ARHGDIB: variants seen among roughly 807,000 people sequenced by gnomAD.
ARHGDIB encodes rho GDP-dissociation inhibitor 2.
In ARHGDIB, 20 loss-of-function variants were observed where a neutral mutation model predicts 22.6. The observed-to-expected ratio is 0.88, with a 90% CI of 0.62 to 1.28. The LOEUF (loss-of-function observed/expected upper bound fraction) is 1.28. ARHGDIB is among the 50% of genes most tolerant of loss of function. The pLI, the probability that ARHGDIB is intolerant of heterozygous loss-of-function variation, is 0.00. For missense variants in ARHGDIB, 254 were observed against 245.4 expected, an observed-to-expected ratio of 1.04 and a Z score of -0.23; for synonymous variants, 114 against 96.1, an observed-to-expected ratio of 1.19 and a Z score of -1.09.
intron 1 of ARHGDIB, among the ~76,000 whole-genome samples, chr12:14,952,937 G>A (rs183185551): frequency 6.6e-6 from 1 of 152,298 alleles, no homozygotes; most frequent in East Asian, 1.9e-4. Flanking sequence ...TTGCAACTAT[G>A]CAGGCTCAAA....
chr12:14,948,077 C>CA (rs1257161973), intron 3 of ARHGDIB, 128 bp from the exon 4 acceptor site: 2 of 637,880 alleles, frequency 3.1e-6, no homozygotes, highest in East Asian at 5.8e-5. Flanking sequence ...CCTCAATTCA[C>CA]AGAGTATTTG....
intron 1 of ARHGDIB, among the ~76,000 whole-genome samples, chr12:14,957,869 AG>A (rs1864333943): frequency 6.6e-6 from 1 of 151,452 alleles, no homozygotes; most frequent in Admixed American, 6.6e-5. Flanking sequence ...GAAAGAGGAG[AG>A]AGAGAGGAGG....
intron 4 of ARHGDIB, among the ~76,000 whole-genome samples, chr12:14,945,598 T>A (rs10492148): frequency 0.037 from 5,698 of 152,326 alleles, 288 homozygotes; most frequent in African/African-American, 0.1. Context: ...CAAATTAAAG[T>A]GGACATTGCA....
chr12:14,960,881 T>C (rs1201494629), intron 1 of ARHGDIB, among the ~76,000 whole-genome samples: 3 of 152,202 alleles, frequency 2.0e-5, no homozygotes, highest in Non-Finnish European at 4.4e-5. Context: ...TTGTCAGTGG[T>C]AGAAATTCTA....
chr12:14,948,386 T>C (rs1302175459), intron 3 of ARHGDIB, among the ~76,000 whole-genome samples: 1 of 152,218 alleles, frequency 6.6e-6, no homozygotes, highest in Non-Finnish European at 1.5e-5. Flanking sequence ...GTGTCAGCTA[T>C]TTGTTTTTAT....
intron 1 of ARHGDIB, among the ~76,000 whole-genome samples, chr12:14,953,988 T>C (rs1229217845): frequency 9.9e-5 from 15 of 151,478 alleles, no homozygotes. Flanking sequence ...CTTCTTTCCT[T>C]CTTTTTTTGA....
rs561823367 is a variant in ARHGDIB, at chr12:14,957,670, A to G, written c.-13+3867T>C. ...ATGAGAAATGTCAGTGAACACAGGC[A>G]CAGCTAATGAAGAGAATTCCCTCTG... On this transcript the variant is annotated intron_variant, in intron 1 of 5. Transcript: ENST00000228945. 1.7e-3 allele frequency among the ~76,000 whole-genome samples: 262 copies of G among 152,310 alleles called. 1 individual carries two copies. Among genetic ancestry groups the G allele is most frequent in the African/African-American group, 6.2e-3 (256 of 41,566 alleles).
rs1864148784 is a variant in ARHGDIB, at chr12:14,950,644, A to G, written c.69T>C (p.Asn23=). The G allele has an allele frequency of 1.2e-6, 2 of 1,613,934 alleles. No homozygotes were observed. The highest frequency in any genetic ancestry group is 2.2e-5 in the East Asian group (1 of 44,894). The part of the protein sequence containing the change: ...DDDDELDSKL[N]YKPPPQKSLK... ...GGGACTTCTGTGGTGGAGGCTTATA[A>G]TTGAGCTTGCTGTCCAGCTCATCAT... is the stretch of plus-strand genomic sequence containing the variant. The change falls in exon 2 of 6, where the codon AAT becomes AAC. Residue 23 remains asparagine, a synonymous_variant. Transcript: ENST00000228945.
chr12:14,944,871 T>G (rs1244717262), intron 4 of ARHGDIB, 32 bp from the exon 5 acceptor site: 1 of 1,597,240 alleles, frequency 6.3e-7, no homozygotes, highest in Non-Finnish European at 8.6e-7. Flanking sequence ...GATGTTCAGA[T>G]TAAGAGGGTC....
intron 4 of ARHGDIB, among the ~76,000 whole-genome samples, chr12:14,945,642 A>G (rs529363009): frequency 2.9e-4 from 44 of 152,270 alleles, no homozygotes; most frequent in Non-Finnish European, 5.4e-4. Flanking sequence ...TCTGTTCACC[A>G]ATGTGAAGAA....
intron 1 of ARHGDIB, among the ~76,000 whole-genome samples, chr12:14,955,536 T>C (rs2120750290): frequency 6.6e-6 from 1 of 152,324 alleles, no homozygotes. Flanking sequence ...AATTAACATA[T>C]CCATCATCTC....
At chr12:14,952,277 CAAAAA>C (rs3084566) in intron 1 of ARHGDIB, among the ~76,000 whole-genome samples, 1 of 127,346 alleles carries the variant, frequency 7.9e-6, no homozygotes, top group Non-Finnish European at 1.6e-5. Flanking sequence ...TTAATGGAAC[CAAAAA>C]AAAAAAAAAA....
intron 1 of ARHGDIB, among the ~76,000 whole-genome samples, chr12:14,951,747 A>C (rs1864181535): frequency 8.6e-6 from 1 of 115,920 alleles, no homozygotes; most frequent in South Asian, 2.8e-4. Context: ...TTAAGGGTTA[A>C]TGACTGAATA....
chr12:14,960,947 G>C lies in ARHGDIB; in HGVS notation c.-13+590C>G, dbSNP rs1047557997. On this transcript the variant is annotated intron_variant, in intron 1 of 5. Coordinates refer to ENST00000228945, the MANE Select transcript of ARHGDIB (RefSeq NM_001175.7). Reference sequence around the variant, plus strand: ...GTGCTATACCATACTTCCTCTTTGAGGGATAAAGCCCCTGCACTCTAAGGG... The same window carrying C: ...GTGCTATACCATACTTCCTCTTTGACGGATAAAGCCCCTGCACTCTAAGGG... 5.3e-5 allele frequency among the ~76,000 whole-genome samples: 8 copies of C among 152,136 alleles called. No individual in the cohort carries two copies. In the East Asian group the frequency reaches 1.5e-3, roughly 29 times the overall value.
Position 14,942,656 on chromosome 12 carries a change from G to A in ARHGDIB, c.472C>T (p.Pro158Ser). 2 of 1,614,148 alleles carry A rather than the reference G, an allele frequency of 1.2e-6. No homozygotes were observed. The highest frequency in any genetic ancestry group is 1.7e-6 in the Non-Finnish European group (2 of 1,180,018). Residue 158 changes from proline to serine, a missense_variant, in exon 6 of 6, where the codon CCA becomes TCA. Pro to Ser is a moderately conservative substitution (Grantham distance 74). Transcript: ENST00000228945. ...ATGCCCTTGGGAGCCTCCTCAACTGGAGTGAGGAACTCATACTCCTCAGGC... is the reference window on the plus strand; with the variant it reads ...ATGCCCTTGGGAGCCTCCTCAACTGAAGTGAGGAACTCATACTCCTCAGGC... ...PRPEEYEFLT[P>S]VEEAPKGMLA...
At chr12:14,948,918 T>G (rs1298888559) in intron 3 of ARHGDIB, 3 of 152,522 alleles carry the variant, frequency 2.0e-5, no homozygotes, top group African/African-American at 7.2e-5. Flanking sequence ...TGATTTCAGT[T>G]GAACAGGAAG....
rs1303378059 is a variant in ARHGDIB, at chr12:14,942,492, T to C, written c.*30A>G. On this transcript the variant is annotated 3_prime_UTR_variant, in exon 6 of 6. Transcript: ENST00000228945. ...ACACGCCTGAGAGAATTCTTCCAGG[T>C]GGCAAGGGTGGGGAAAGGGGTGGAT... The C allele has an allele frequency of 1.2e-6, 2 of 1,612,494 alleles. No homozygotes were observed.
At chr12:14,945,086 G>A (rs2120679973) in intron 4 of ARHGDIB, among the ~76,000 whole-genome samples, 1 of 152,288 alleles carries the variant, frequency 6.6e-6, no homozygotes, top group South Asian at 2.1e-4. Context: ...CGTTTTGGGA[G>A]AGAGGAGTGG....
intron 5 of ARHGDIB, among the ~76,000 whole-genome samples, chr12:14,944,213 T>C (rs1276737580): frequency 6.6e-6 from 1 of 150,700 alleles, no homozygotes; most frequent in African/African-American, 2.4e-5. Context: ...TCCCAAGGCA[T>C]GACAAGAAGA....
Sources: allele counts gnomAD v4.1 joint callset (sites outside exome capture counted in the v4.1 genomes callset), GRCh38; gene constraint gnomAD v4.1.1; transcripts MANE v1.5; gene names NCBI Gene and HGNC (gene_info 2026-07-23, HGNC 2026-07-21).